Variants in ZNF521 observed in about 807,000 individuals in gnomAD.
The protein encoded by ZNF521 is LYST-interacting protein 3.
ZNF521 carries 14 observed loss-of-function variants against 105.5 expected under a neutral mutation model. The observed-to-expected ratio is 0.13, with a 90% CI of 0.09 to 0.21. The LOEUF (loss-of-function observed/expected upper bound fraction) is 0.21, where lower values mean the gene tolerates loss of function less well. Among genes scored for constraint, ZNF521 ranks in the 10% least tolerant of loss-of-function variants. The pLI is 1.00. For synonymous variants in ZNF521, 635 were observed against 606.0 expected (o/e 1.05, Z -0.70); for missense variants, 1,233 against 1,629.7 (o/e 0.76, Z 4.19).
intron 5 of ZNF521, among the ~76,000 whole-genome samples, chr18:25,102,737 C>T (rs2033992813): frequency 6.6e-6 from 1 of 152,030 alleles, no homozygotes; most frequent in African/African-American, 2.4e-5. Context: ...TGGTCATGGC[C>T]AGCACCAGAA....
intron 5 of ZNF521, among the ~76,000 whole-genome samples, chr18:25,107,859 T>C (rs1444412069): frequency 6.6e-6 from 1 of 152,212 alleles, no homozygotes; most frequent in Non-Finnish European, 1.5e-5. Flanking sequence ...CTTACTCATG[T>C]TTTGTCCTGG....
intron 3 of ZNF521, among the ~76,000 whole-genome samples, chr18:25,274,853 C>T (rs998930042): frequency 1.3e-5 from 2 of 151,974 alleles, no homozygotes; most frequent in African/African-American, 4.8e-5. Context: ...ATGGCTTGTC[C>T]CCTAGATTCC....
chr18:25,187,510 C>T (rs570170019), intron 5 of ZNF521, among the ~76,000 whole-genome samples: 1 of 152,086 alleles, frequency 6.6e-6, no homozygotes, highest in African/African-American at 2.4e-5. Context: ...TTAAAATATG[C>T]TGGCAAGCAG....
intron 5 of ZNF521, among the ~76,000 whole-genome samples, chr18:25,140,111 G>A (rs558358789): frequency 9.9e-4 from 150 of 152,202 alleles, no homozygotes; most frequent in African/African-American, 2.6e-3. Flanking sequence ...CAAAGACACC[G>A]GGTGAAAGGA....
intron 3 of ZNF521, among the ~76,000 whole-genome samples, chr18:25,286,934 C>T (rs1016398968): frequency 4.6e-5 from 7 of 152,172 alleles, no homozygotes; most frequent in Admixed American, 6.5e-5. Context: ...CAAATTACAT[C>T]ATATGGGACT....
intron 5 of ZNF521, among the ~76,000 whole-genome samples, chr18:25,099,436 G>A (rs1171861434): frequency 1.3e-5 from 2 of 152,084 alleles, no homozygotes; most frequent in African/African-American, 2.4e-5. Flanking sequence ...CATTAACAAA[G>A]TAGCTGTCTA....
rs145114061 is a variant in ZNF521 at position 25,170,770 on chromosome 18, T to C, written c.3658+24390A>G. ...CCATGCACATTTTTAAAGGTAAGAC[T>C]GATCATACAATTCAGGCCTATTTCT... On this transcript the variant is annotated intron_variant, in intron 5 of 7. Transcript: ENST00000361524. 1.4e-4 allele frequency among the ~76,000 whole-genome samples: 21 copies of C among 152,298 alleles called. No individual in the cohort carries two copies. In the East Asian group the frequency reaches 3.7e-3, roughly 27 times the overall value.
chr18:25,349,781 C>A (rs1914636303), intron 2 of ZNF521, among the ~76,000 whole-genome samples: 1 of 150,366 alleles, frequency 6.7e-6, no homozygotes, highest in Admixed American at 6.6e-5. Context: ...TCGGCGGGAC[C>A]CAGCGGGCCC....
At chr18:25,112,150 G>A (rs3936078) in intron 5 of ZNF521, among the ~76,000 whole-genome samples, 3,110 of 152,228 alleles carry the variant, frequency 0.02, 103 homozygotes, top group African/African-American at 0.071. Flanking sequence ...TTCTTTGTAT[G>A]GAGTTAAATA....
At chr18:25,093,003 C>T (rs1355721468) in intron 5 of ZNF521, among the ~76,000 whole-genome samples, 2 of 152,144 alleles carry the variant, frequency 1.3e-5, no homozygotes, top group South Asian at 2.1e-4. Flanking sequence ...AGCAGCCTAG[C>T]TGACACTGAT....
In ZNF521 at chr18:25,103,069, G is replaced by A. The variant is rs576194298; in HGVS notation, c.3659-10988C>T. 1.1e-4 allele frequency among the ~76,000 whole-genome samples: 17 copies of A among 152,174 alleles called. No individual in the cohort carries two copies. The South Asian group carries it at 1.3e-3, about 11-fold the overall frequency. The stretch of plus-strand genomic sequence containing the variant: ...GAAGGGAAGCCTAAGTTGATGTGAT[G>A]CACCTGTTGGAAGGCTGGAAAATTT... On this transcript the variant is annotated intron_variant, in intron 5 of 7. Coordinates refer to ENST00000361524, the MANE Select transcript of ZNF521 (RefSeq NM_015461.3).
intron 3 of ZNF521, among the ~76,000 whole-genome samples, chr18:25,231,254 C>T (rs1906508917): frequency 1.3e-5 from 2 of 152,270 alleles, no homozygotes; most frequent in South Asian, 4.1e-4. Flanking sequence ...GCAAGGAAGA[C>T]CTCCATCTCA....
intron 4 of ZNF521, among the ~76,000 whole-genome samples, chr18:25,222,939 G>A (rs188615358): frequency 6.6e-6 from 1 of 152,244 alleles, no homozygotes; most frequent in East Asian, 1.9e-4. Flanking sequence ...TTTAAAAAGG[G>A]GTGCAGAGAG....
At chr18:25,178,298 G>A (rs889528686) in intron 5 of ZNF521, among the ~76,000 whole-genome samples, 1 of 152,168 alleles carries the variant, frequency 6.6e-6, no homozygotes, top group East Asian at 1.9e-4. Flanking sequence ...CAACATGTGC[G>A]CTATTAAGAC....
chr18:25,343,329 T>C (rs1371477451), intron 2 of ZNF521, among the ~76,000 whole-genome samples: 2 of 152,224 alleles, frequency 1.3e-5, no homozygotes, highest in African/African-American at 4.8e-5. Flanking sequence ...CAATTTTAAT[T>C]GGAAAAAAAT....
At chr18:25,342,435 T>TTTG (rs72024725) in intron 2 of ZNF521, among the ~76,000 whole-genome samples, 65,836 of 140,748 alleles carry the variant, frequency 0.47, 15,085 homozygotes, top group Middle Eastern at 0.53. Flanking sequence ...TTGTTTGTTT[T>TTTG]TTTTGAGACA....
chr18:25,168,467 C>T (rs184048383), intron 5 of ZNF521, among the ~76,000 whole-genome samples: 1 of 152,284 alleles, frequency 6.6e-6, no homozygotes, highest in African/African-American at 2.4e-5. Context: ...CCCTGTGGAA[C>T]TGAAAAGGTG....
At chr18:25,105,941 C>A (rs947592983) in intron 5 of ZNF521, among the ~76,000 whole-genome samples, 1 of 151,914 alleles carries the variant, frequency 6.6e-6, no homozygotes, top group Non-Finnish European at 1.5e-5. Flanking sequence ...CAGCTTGGGC[C>A]TTTCTGGTTA....
intron 3 of ZNF521, among the ~76,000 whole-genome samples, chr18:25,305,052 G>A (rs1400217105): frequency 6.6e-6 from 1 of 152,134 alleles, no homozygotes; most frequent in African/African-American, 2.4e-5. Context: ...AAAACAGGCA[G>A]TTATCTTTAT....
Sources: gnomAD v4.1 joint callset for allele counts (sites outside exome capture counted in the v4.1 genomes callset) on GRCh38, gnomAD v4.1.1 for gene constraint, MANE v1.5 for transcripts, NCBI Gene and HGNC (gene_info 2026-07-23, HGNC 2026-07-21) for gene names.